The following BCAT1 variants were observed in gnomAD, a reference collection of about 807,000 sequenced individuals.
BCAT1 encodes the protein branched chain amino acid transaminase 1.
In BCAT1, 48 loss-of-function variants were observed where a neutral mutation model predicts 52.4. That is an observed-to-expected ratio of 0.92 (90% CI 0.73 to 1.16). The LOEUF (loss-of-function observed/expected upper bound fraction) is 1.16. Among genes scored for constraint, BCAT1 ranks in the 50% most tolerant of loss-of-function variants. The pLI, the probability that BCAT1 is intolerant of heterozygous loss-of-function variation, is 0.00. For synonymous variants in BCAT1, 167 were observed against 161.3 expected (o/e 1.04, Z -0.27); for missense variants, 451 against 457.1 (o/e 0.99, Z 0.12).
At chr12:24,890,797 A>C (rs944904269) in intron 3 of BCAT1, among the ~76,000 whole-genome samples, 1 of 152,190 alleles carries the variant, frequency 6.6e-6, no homozygotes, top group African/African-American at 2.4e-5. Flanking sequence ...CTGTCTACGG[A>C]GTAGCCATTC....
At chr12:24,934,758 G>T (rs1419018180) in intron 1 of BCAT1, among the ~76,000 whole-genome samples, 1 of 152,076 alleles carries the variant, frequency 6.6e-6, no homozygotes, top group East Asian at 1.9e-4. Flanking sequence ...TCACCATATT[G>T]GCCAGGCTGG....
chr12:24,817,813 T>C lies in BCAT1; in HGVS notation c.*195A>G, dbSNP rs1264318364. 6.7e-6 allele frequency: 4 copies of C among 595,752 alleles called. No homozygotes were observed. The highest frequency in any genetic ancestry group is 1.8e-5 in the African/African-American group (1 of 54,058). 36.9% of individuals were successfully genotyped at this position (595,752 alleles called of 1,614,324 possible). A position where few individuals can be genotyped will look rare whatever the true frequency, so the allele number is the denominator to read the frequency against. On this transcript the variant is annotated 3_prime_UTR_variant, in exon 11 of 11. Transcript: ENST00000261192. ...GGTAAGGTAAGTTACTACTACCAAG[T>C]TATGAAACACCATTTGATGATTGCA...
intron 1 of BCAT1, among the ~76,000 whole-genome samples, chr12:24,925,851 C>T (rs1464504688): frequency 7.2e-5 from 11 of 152,222 alleles, no homozygotes; most frequent in African/African-American, 2.2e-4. Context: ...CTCGGCCTCC[C>T]GAGGTGCCGG....
At chr12:24,928,651 C>A (rs1334726774) in intron 1 of BCAT1, among the ~76,000 whole-genome samples, 21 of 131,804 alleles carry the variant, frequency 1.6e-4, no homozygotes, top group East Asian at 6.4e-4. Flanking sequence ...AAAAAAAAAA[C>A]CAAGAAAAAC....
intron 5 of BCAT1, among the ~76,000 whole-genome samples, chr12:24,877,415 A>C (rs565165566): frequency 6.6e-6 from 1 of 152,148 alleles, no homozygotes; most frequent in Non-Finnish European, 1.5e-5. Context: ...TCATATAAAC[A>C]TACTCGTCCG....
chr12:24,896,421 T>C (rs1449961695), intron 2 of BCAT1, among the ~76,000 whole-genome samples: 1 of 152,186 alleles, frequency 6.6e-6, no homozygotes, highest in Admixed American at 6.5e-5. Context: ...GCCAACTAGT[T>C]GTAACAGAAA....
At chr12:24,930,027 AT>A (rs1943655142) in intron 1 of BCAT1, among the ~76,000 whole-genome samples, 1 of 152,232 alleles carries the variant, frequency 6.6e-6, no homozygotes, top group South Asian at 2.1e-4. Flanking sequence ...TGGACCATGA[AT>A]TAGAGGAAAT....
At chr12:24,921,828 C>G (rs543355143) in intron 1 of BCAT1, among the ~76,000 whole-genome samples, 13 of 152,146 alleles carry the variant, frequency 8.5e-5, no homozygotes, top group Non-Finnish European at 1.9e-4. Context: ...CCTTCCTCAC[C>G]TCTGTCATTT....
intron 3 of BCAT1, among the ~76,000 whole-genome samples, chr12:24,882,479 T>C (rs555401807): frequency 1.7e-4 from 26 of 152,312 alleles, no homozygotes; most frequent in African/African-American, 6.0e-4. Flanking sequence ...TTATTAAATA[T>C]AACAGTACTA....
intron 10 of BCAT1, 98 bp downstream of exon 10, chr12:24,829,725 C>T: frequency 1.0e-6 from 1 of 979,384 alleles, no homozygotes; most frequent in Non-Finnish European, 1.5e-6. Flanking sequence ...TAATCCTCTT[C>T]ATTGAAATAT....
intron 1 of BCAT1, chr12:24,902,986 C>G: frequency 6.8e-7 from 1 of 1,473,718 alleles, no homozygotes; most frequent in Non-Finnish European, 8.9e-7. Flanking sequence ...GCGGGCTGGC[C>G]ATGGGGAGGC....
At chr12:24,910,122 C>CA (rs1322987778) in intron 1 of BCAT1, among the ~76,000 whole-genome samples, 1 of 152,160 alleles carries the variant, frequency 6.6e-6, no homozygotes, top group Non-Finnish European at 1.5e-5. Context: ...ACCTGTAATC[C>CA]CAGCACTTTG....
chr12:24,914,581 G>A (rs1320840306), intron 1 of BCAT1, among the ~76,000 whole-genome samples: 1 of 152,306 alleles, frequency 6.6e-6, no homozygotes, highest in East Asian at 1.9e-4. Flanking sequence ...TTAACATCTG[G>A]AGTTGTCTAT....
chr12:24,845,388 G>C (rs1941314674), intron 6 of BCAT1, among the ~76,000 whole-genome samples: 2 of 152,134 alleles, frequency 1.3e-5, no homozygotes, highest in Non-Finnish European at 2.9e-5. Context: ...AAAGACAACA[G>C]ATAGGAAGCT....
intron 3 of BCAT1, among the ~76,000 whole-genome samples, chr12:24,893,755 C>T (rs941551344): frequency 3.3e-5 from 5 of 152,090 alleles, no homozygotes; most frequent in African/African-American, 1.2e-4. Flanking sequence ...TAATTGTGCA[C>T]CCTGAAAAGG....
chr12:24,860,365 C>T (rs1013205845), intron 5 of BCAT1, among the ~76,000 whole-genome samples: 2 of 152,010 alleles, frequency 1.3e-5, no homozygotes, highest in Non-Finnish European at 2.9e-5. Context: ...TGTTGCTGAT[C>T]CTTTGTTTCA....
intron 3 of BCAT1, among the ~76,000 whole-genome samples, chr12:24,889,393 C>T (rs1942773420): frequency 6.6e-6 from 1 of 152,214 alleles, no homozygotes; most frequent in Non-Finnish European, 1.5e-5. Context: ...CTATTACAGA[C>T]TGTATTTTCC....
chr12:24,947,014 C>A (rs1321704519), intron 1 of BCAT1, among the ~76,000 whole-genome samples: 1 of 152,012 alleles, frequency 6.6e-6, no homozygotes, highest in African/African-American at 2.4e-5. Context: ...TTCTTTTCCT[C>A]CCCAACCCCC....
At position 24,927,192 on chromosome 12, in the gene BCAT1, C is replaced by T. The variant is rs142106514; in HGVS notation, c.6+21735G>A. On this transcript the variant is annotated intron_variant, in intron 1 of 10. Coordinates refer to ENST00000261192, the MANE Select transcript of BCAT1 (RefSeq NM_005504.7). ...TCAAGTTATAAGATGTCTGTAATCC[C>T]GGCTATTTGGGAAGGTGAGGTGGGA... 3.7e-3 allele frequency among the ~76,000 whole-genome samples: 561 copies of T among 151,906 alleles called. 4 individuals carry two copies. The highest frequency in any genetic ancestry group is 0.011 in the African/African-American group (436 of 41,384).
Sources: gnomAD v4.1 joint callset for allele counts (sites outside exome capture counted in the v4.1 genomes callset) on GRCh38, gnomAD v4.1.1 for gene constraint, MANE v1.5 for transcripts, NCBI Gene and HGNC (gene_info 2026-07-23, HGNC 2026-07-21) for gene names.